Variants in RIC1 observed in about 807,000 individuals in gnomAD.
The protein encoded by RIC1 is RIC1 partner of RAB6A GEF complex.
RIC1 carries 88 observed loss-of-function variants against 169.0 expected under a neutral mutation model. The ratio of observed to expected loss-of-function variants is 0.52; its 90% confidence interval spans 0.44 to 0.62. The LOEUF is 0.62. Among genes scored for constraint, RIC1 ranks in the 20% least tolerant of loss-of-function variants. The probability of loss-of-function intolerance (pLI) is 0.00; values close to 1 mark genes in which losing one functional copy is unlikely to be tolerated. For synonymous variants in RIC1, 790 were observed against 601.5 expected, an observed-to-expected ratio of 1.31 and a Z score of -4.59; for missense variants, 1,877 against 1,725.5, an observed-to-expected ratio of 1.09 and a Z score of -1.56.
intron 17 of RIC1, among the ~76,000 whole-genome samples, chr9:5,761,271 G>A (rs545079909): frequency 1.7e-3 from 264 of 151,828 alleles, no homozygotes; most frequent in African/African-American, 6.1e-3. Flanking sequence ...CTGCCACCAC[G>A]CCCGGCTTAT....
At chr9:5,766,423 T>C (rs977795901) in intron 21 of RIC1, among the ~76,000 whole-genome samples, 9 of 152,174 alleles carry the variant, frequency 5.9e-5, no homozygotes, top group African/African-American at 1.9e-4. Context: ...TAGTGGTGAT[T>C]TGTGAGATTT....
intron 6 of RIC1, among the ~76,000 whole-genome samples, chr9:5,724,709 T>C (rs535650544): frequency 5.3e-5 from 8 of 152,334 alleles, no homozygotes; most frequent in African/African-American, 1.9e-4. Flanking sequence ...TAAGTAGCTC[T>C]TATTATTTTG....
intron 2 of RIC1, among the ~76,000 whole-genome samples, chr9:5,673,533 G>GATATATATATATATATATATAT (rs1424748579): frequency 4.9e-5 from 3 of 60,714 alleles, no homozygotes; most frequent in Non-Finnish European, 2.8e-5. Context: ...AAAACATAAG[G>GATATATATATATATATATATAT]AGATATATAT....
At chr9:5,730,399 A>C (rs902263632) in intron 6 of RIC1, among the ~76,000 whole-genome samples, 6 of 152,216 alleles carry the variant, frequency 3.9e-5, no homozygotes, top group Admixed American at 2.0e-4. Flanking sequence ...AAATTAGGCT[A>C]TATGCAACAA....
Position 5,690,007 on chromosome 9 carries a change from G to A in RIC1, c.301G>A (p.Asp101Asn). The A allele has an allele frequency of 1.9e-6, 3 of 1,600,044 alleles. No individual in the cohort carries two copies. The highest frequency in any genetic ancestry group is 2.7e-5 in the African/African-American group (2 of 74,142). ...LFFHITSTRG[D>N]KYLYEPVYPK... ...TTTTCATATTACATCTACAAGAGGG[G>A]ACAAGTACCTTTATGAACCAGTGTA... Residue 101 changes from aspartate to asparagine, a missense_variant, in exon 3 of 26, where the codon GAC becomes AAC. Around this residue, in one of 3 missense-constraint regions of RIC1, gnomAD observed 1,104 missense variants for 992.0 expected, o/e 1.11. Coordinates refer to ENST00000414202, the MANE Select transcript of RIC1 (RefSeq NM_020829.4).
At chr9:5,718,863 TG>T (rs1214284851) in intron 4 of RIC1, among the ~76,000 whole-genome samples, 1 of 152,120 alleles carries the variant, frequency 6.6e-6, no homozygotes, top group African/African-American at 2.4e-5. Flanking sequence ...TTTTTATAGT[TG>T]GGGAAAAAAC....
intron 17 of RIC1, among the ~76,000 whole-genome samples, chr9:5,761,040 CT>C (rs1183014724): frequency 6.8e-6 from 1 of 147,782 alleles, no homozygotes. Context: ...GCCCGCTGCT[CT>C]TTTTACCCTG....
intron 17 of RIC1, among the ~76,000 whole-genome samples, chr9:5,757,897 A>T (rs959701831): frequency 1.3e-5 from 2 of 152,250 alleles, no homozygotes; most frequent in African/African-American, 4.8e-5. Context: ...TGACTGGGAC[A>T]TGGAAAGTGA....
chr9:5,675,680 T>C (rs935712225), intron 2 of RIC1, among the ~76,000 whole-genome samples: 1 of 151,614 alleles, frequency 6.6e-6, no homozygotes, highest in Non-Finnish European at 1.5e-5. Context: ...CCCTCTGTAC[T>C]GTCTAGTGGG....
chr9:5,724,485 T>C (rs1227568731), intron 6 of RIC1, among the ~76,000 whole-genome samples: 1 of 152,244 alleles, frequency 6.6e-6, no homozygotes, highest in Non-Finnish European at 1.5e-5. Context: ...TTTCTAGATA[T>C]ACAATCATGT....
At chr9:5,653,215 G>T (rs1342000969) in intron 1 of RIC1, among the ~76,000 whole-genome samples, 1 of 152,000 alleles carries the variant, frequency 6.6e-6, no homozygotes, top group East Asian at 1.9e-4. Context: ...TCCTTTCCTT[G>T]TTTGTTAAAG....
At chr9:5,683,998 A>G (rs994830397) in intron 2 of RIC1, among the ~76,000 whole-genome samples, 3 of 152,100 alleles carry the variant, frequency 2.0e-5, no homozygotes, top group African/African-American at 7.2e-5. Flanking sequence ...TTGGAAGAGC[A>G]CAGTATTAGG....
downstream of RIC1, among the ~76,000 whole-genome samples, chr9:5,777,894 G>GA (rs1563735817): frequency 6.6e-6 from 1 of 152,140 alleles, no homozygotes. Context: ...TTTTGAAAGC[G>GA]AGAGTCCTAA....
intron 2 of RIC1, among the ~76,000 whole-genome samples, chr9:5,680,193 A>C (rs1288951065): frequency 2.0e-5 from 3 of 152,204 alleles, no homozygotes; most frequent in African/African-American, 7.2e-5. Context: ...GATGAAGCCC[A>C]CTTGATCATG....
chr9:5,666,578 G>C (rs1819778167), intron 2 of RIC1, among the ~76,000 whole-genome samples: 1 of 151,958 alleles, frequency 6.6e-6, no homozygotes, highest in South Asian at 2.1e-4. Context: ...TTAGTTTCTG[G>C]CATGCTTTTA....
chr9:5,683,266 T>A (rs938111611), intron 2 of RIC1, among the ~76,000 whole-genome samples: 2 of 152,194 alleles, frequency 1.3e-5, no homozygotes, highest in African/African-American at 4.8e-5. Context: ...TTTTTCCCCG[T>A]CTTTGTGGTT....
At chr9:5,670,924 C>T (rs182702348) in intron 2 of RIC1, among the ~76,000 whole-genome samples, 4 of 152,200 alleles carry the variant, frequency 2.6e-5, no homozygotes, top group East Asian at 3.9e-4. Context: ...GTCTTCATGT[C>T]GAGTCCACTT....
chr9:5,730,421 C>T (rs139424348), intron 6 of RIC1, among the ~76,000 whole-genome samples: 1 of 152,148 alleles, frequency 6.6e-6, no homozygotes, highest in Admixed American at 6.6e-5. Flanking sequence ...ACAGATAGAT[C>T]TTACAGACAT....
chr9:5,772,298 C>G (rs1370196824), intron 23 of RIC1, among the ~76,000 whole-genome samples: 1 of 152,152 alleles, frequency 6.6e-6, no homozygotes, highest in Non-Finnish European at 1.5e-5. Flanking sequence ...TGGTCAAACT[C>G]TAGCTAGATT....
Sources: gnomAD v4.1 joint callset for allele counts (sites outside exome capture counted in the v4.1 genomes callset) on GRCh38, gnomAD v4.1.1 for gene constraint, gnomAD v4.1.1 regional missense constraint, MANE v1.5 for transcripts, NCBI Gene and HGNC (gene_info 2026-07-23, HGNC 2026-07-21) for gene names.